ANKS6: variants seen among roughly 807,000 people sequenced by gnomAD.
The protein encoded by ANKS6 is ankyrin repeat and SAM domain-containing protein 6.
ANKS6 carries 47 observed loss-of-function variants against 77.9 expected under a neutral mutation model. That is an observed-to-expected ratio of 0.60 (90% CI 0.48 to 0.77). The LOEUF (loss-of-function observed/expected upper bound fraction) is 0.77. ANKS6 is among the 30% of genes least tolerant of loss of function. The pLI is 0.00. For missense variants in ANKS6, 1,150 were observed against 1,159.1 expected (o/e 0.99, Z 0.11); for synonymous variants, 488 against 501.7 (o/e 0.97, Z 0.37).
chr9:98,734,532 T>G lies in ANKS6; in HGVS notation c.*1987A>C. On this transcript the variant is annotated 3_prime_UTR_variant, in exon 15 of 15. Transcript: ENST00000353234. ...TTAACCCCTGAAGCCATCAGTAAAT[T>G]AAAACAAGAATCACAAGTGCTTCTA... The G allele has an allele frequency of 1.0e-6, 1 of 985,362 alleles. No homozygotes were observed. The highest frequency in any genetic ancestry group is 1.7e-5 in the African/African-American group (1 of 57,324). 61.0% of individuals were successfully genotyped at this position (985,362 alleles called of 1,614,324 possible).
Position 98,733,580 on chromosome 9 carries a change from G to A in ANKS6, c.*2939C>T, listed in dbSNP as rs78308643. The A allele has an allele frequency of 7.1e-6, 7 of 985,382 alleles. No individual in the cohort carries two copies. The highest frequency in any genetic ancestry group is 3.5e-5 in the African/African-American group (2 of 57,256). 61.0% of individuals were successfully genotyped at this position (985,382 alleles called of 1,614,324 possible). ...AGGGCTGCAAGGCCTCTTGGTTGCC[G>A]CTGTTCCAGAAAAAGCGGGGCTTCT... On this transcript the variant is annotated 3_prime_UTR_variant, in exon 15 of 15. Coordinates refer to ENST00000353234, the MANE Select transcript of ANKS6 (RefSeq NM_173551.5).
chr9:98,770,317 A>C (rs1317526022), intron 10 of ANKS6, among the ~76,000 whole-genome samples: 1 of 152,138 alleles, frequency 6.6e-6, no homozygotes, highest in African/African-American at 2.4e-5. Context: ...CTTTTTCTTT[A>C]GAAGTTACCC....
Position 98,734,410 on chromosome 9 carries a change from A to C in ANKS6, c.*2109T>G, listed in dbSNP as rs1831375314. 2.0e-6 allele frequency: 2 copies of C among 985,246 alleles called. No homozygotes were observed. The highest frequency in any genetic ancestry group is 2.4e-6 in the Non-Finnish European group (2 of 829,884). 61.0% of individuals were successfully genotyped at this position (985,246 alleles called of 1,614,324 possible). On this transcript the variant is annotated 3_prime_UTR_variant, in exon 15 of 15. Coordinates refer to ENST00000353234, the MANE Select transcript of ANKS6 (RefSeq NM_173551.5). The stretch of plus-strand genomic sequence containing the variant: ...GAAGCTATACCAGTATATTGTTATG[A>C]AAAAAACAGGACCACAGCAAAAAGC...
intron 14 of ANKS6, among the ~76,000 whole-genome samples, chr9:98,740,483 G>A (rs1362260499): frequency 6.6e-6 from 1 of 152,190 alleles, no homozygotes; most frequent in Admixed American, 6.5e-5. Flanking sequence ...TTACCTGCCA[G>A]CGCTGCACTG....
intron 13 of ANKS6, among the ~76,000 whole-genome samples, chr9:98,750,158 C>A (rs1028246570): frequency 1.3e-5 from 2 of 152,174 alleles, no homozygotes; most frequent in Non-Finnish European, 2.9e-5. Context: ...CTAGTCACTC[C>A]CTACTCTGCC....
In ANKS6 at chr9:98,745,474, A is replaced by C. The variant is rs913362738; in HGVS notation, c.2511+85T>G. On this transcript the variant is annotated intron_variant, in intron 14 of 14. Transcript: ENST00000353234. ...GTGCTTGCTCACTGTCAGAGAGAGG[A>C]AGTAAGACCTTCCCAAGATCCCAGG... is the stretch of plus-strand genomic sequence containing the variant. 10 of 1,289,492 alleles carry C rather than the reference A, an allele frequency of 7.8e-6. No individual in the cohort carries two copies. The African/African-American group carries it at 1.5e-4, about 19-fold the overall frequency. 79.9% of individuals were successfully genotyped at this position (1,289,492 alleles called of 1,614,324 possible).
chr9:98,792,229 C>A (rs1208946653), intron 1 of ANKS6, among the ~76,000 whole-genome samples: 1 of 152,142 alleles, frequency 6.6e-6, no homozygotes, highest in African/African-American at 2.4e-5. Context: ...CCCACCGTGT[C>A]CTGCTTCAGG....
chr9:98,749,673 C>T (rs552028826), intron 13 of ANKS6, among the ~76,000 whole-genome samples: 1 of 152,158 alleles, frequency 6.6e-6, no homozygotes, highest in Non-Finnish European at 1.5e-5. Context: ...AAGCAGGCAG[C>T]GATCAGCAAT....
At chr9:98,795,524 C>G (rs564476853) in intron 1 of ANKS6, among the ~76,000 whole-genome samples, 1 of 152,312 alleles carries the variant, frequency 6.6e-6, no homozygotes, top group African/African-American at 2.4e-5. Flanking sequence ...CCTCATTCTA[C>G]CAGTCCTACC....
At chr9:98,757,128 G>A (rs1832755053) in intron 11 of ANKS6, among the ~76,000 whole-genome samples, 1 of 152,204 alleles carries the variant, frequency 6.6e-6, no homozygotes, top group Non-Finnish European at 1.5e-5. Context: ...TGCACAGAGA[G>A]AACAGAGTTC....
intron 14 of ANKS6, among the ~76,000 whole-genome samples, chr9:98,744,679 G>A (rs568155963): frequency 4.6e-5 from 7 of 151,990 alleles, no homozygotes; most frequent in Non-Finnish European, 7.4e-5. Flanking sequence ...TCCACATATC[G>A]TGGAACACAG....
intron 11 of ANKS6, among the ~76,000 whole-genome samples, chr9:98,759,075 T>TA (rs1054528042): frequency 6.6e-6 from 1 of 152,088 alleles, no homozygotes; most frequent in Non-Finnish European, 1.5e-5. Flanking sequence ...TTGCATACAG[T>TA]AAAAAATAGC....
At position 98,755,265 on chromosome 9, in the gene ANKS6, C is replaced by G. The variant is rs146370929; in HGVS notation, c.2326+1155G>C. 3.0e-4 allele frequency among the ~76,000 whole-genome samples: 45 copies of G among 152,318 alleles called. No individual in the cohort carries two copies. In the East Asian group the frequency reaches 8.1e-3, roughly 27 times the overall value. ...AGCTGCAGCGAACTGCCCGCAAACG[C>G]ATTTGTGAGGGCCACGAACACAATC... On this transcript the variant is annotated intron_variant, in intron 12 of 14. Coordinates refer to ENST00000353234, the MANE Select transcript of ANKS6 (RefSeq NM_173551.5).
In ANKS6 at chr9:98,790,176, C is replaced by T. The variant is rs1182646379; in HGVS notation, c.790G>A (p.Val264Ile). Residue 264 changes from valine to isoleucine, a missense_variant, in exon 2 of 15, where the codon GTT (valine) becomes ATT (isoleucine). Coordinates refer to ENST00000353234, the MANE Select transcript of ANKS6 (RefSeq NM_173551.5). ...TCCCTGTGCTTGCAGTCCAGTGCAA[C>T]CTCGAAGGCGGTCTTCTCCAGCACG... ...LSVLEKTAFE[V>I]ALDCKHRDLV... 6.2e-7 allele frequency: 1 copy of T among 1,600,456 alleles called. No individual in the cohort carries two copies. Among genetic ancestry groups the T allele is most frequent in the Non-Finnish European group, 8.6e-7 (1 of 1,169,230 alleles).
At chr9:98,792,224 C>T (rs1834938897) in intron 1 of ANKS6, among the ~76,000 whole-genome samples, 1 of 152,156 alleles carries the variant, frequency 6.6e-6, no homozygotes, top group Non-Finnish European at 1.5e-5. Flanking sequence ...ACACCCCCAC[C>T]GTGTCCTGCT....
intron 13 of ANKS6, among the ~76,000 whole-genome samples, chr9:98,748,423 T>C (rs1832259161): frequency 6.6e-6 from 1 of 152,212 alleles, no homozygotes; most frequent in Non-Finnish European, 1.5e-5. Context: ...AGAATCCCAA[T>C]TTTTAGCTGG....
In ANKS6 at chr9:98,790,537, C is replaced by T; in HGVS notation, c.429G>A (p.Leu143=). Residue 143 remains leucine (L), a synonymous_variant, in exon 2 of 15, where the codon CTG becomes CTA. Transcript: ENST00000353234. Reference sequence around the variant, plus strand: ...AAGCCACAGTGAGCACACTGGCCCCCAGCCGGTTCTGGGCATTGACATCAG... The same window carrying T: ...AAGCCACAGTGAGCACACTGGCCCCTAGCCGGTTCTGGGCATTGACATCAG... The part of the protein sequence containing the change: ...HGADVNAQNR[L]GASVLTVASR... The T allele has an allele frequency of 1.2e-6, 2 of 1,613,408 alleles. No individual in the cohort carries two copies. Among genetic ancestry groups the T allele is most frequent in the Non-Finnish European group, 1.7e-6 (2 of 1,179,694 alleles).
chr9:98,734,461 C>T lies in ANKS6; in HGVS notation c.*2058G>A, dbSNP rs1203400611. Reference sequence around the variant, plus strand: ...AGGCACAAAACCTCAAAGCACATAACGTCAGGGGCCATGAATTTCAGAGGC... The same window carrying T: ...AGGCACAAAACCTCAAAGCACATAATGTCAGGGGCCATGAATTTCAGAGGC... On this transcript the variant is annotated 3_prime_UTR_variant, in exon 15 of 15. Transcript: ENST00000353234. 4.1e-6 allele frequency: 4 copies of T among 985,314 alleles called. No individual in the cohort carries two copies. The highest frequency in any genetic ancestry group is 4.7e-5 in the South Asian group (1 of 21,286). 61.0% of individuals were successfully genotyped at this position (985,314 alleles called of 1,614,324 possible).
chr9:98,779,926 TGC>T (rs1834143837), intron 6 of ANKS6, among the ~76,000 whole-genome samples: 1 of 152,160 alleles, frequency 6.6e-6, no homozygotes, highest in Non-Finnish European at 1.5e-5. Flanking sequence ...CCTCTCAAAG[TGC>T]TGGGATTACA....
Sources: gnomAD v4.1 joint callset for allele counts (sites outside exome capture counted in the v4.1 genomes callset) on GRCh38, gnomAD v4.1.1 for gene constraint, MANE v1.5 for transcripts, NCBI Gene and HGNC (gene_info 2026-07-23, HGNC 2026-07-21) for gene names.